The following KALRN variants were observed in gnomAD, a reference collection of about 807,000 sequenced individuals.
KALRN encodes kalirin.
Under a neutral mutation model 353.7 loss-of-function variants are expected in KALRN, and 70 were observed. That is an observed-to-expected ratio of 0.20 (90% CI 0.16 to 0.24). KALRN has a LOEUF of 0.24. KALRN is among the 10% of genes least tolerant of loss of function. The pLI is 1.00. For synonymous variants in KALRN, 1,391 were observed against 1,434.8 expected (o/e 0.97, Z 0.69); for missense variants, 2,791 against 3,756.7 (o/e 0.74, Z 6.72).
chr3:124,648,699 G>A lies in KALRN; in HGVS notation c.5665-2109G>A, dbSNP rs562294933. On this transcript the variant is annotated intron_variant, in intron 37 of 59. Transcript: ENST00000682506. The stretch of plus-strand genomic sequence containing the variant: ...GGCTGCAGAACAAAGGCTGAAACAG[G>A]ACAATGGGGAGAAGGAGAGAAGAGG... 1.1e-4 allele frequency among the ~76,000 whole-genome samples: 16 copies of A among 152,312 alleles called. No individual in the cohort carries two copies. The South Asian group carries it at 2.3e-3, about 22-fold the overall frequency.
At chr3:124,157,306 G>C (rs2069145012) in intron 1 of KALRN, among the ~76,000 whole-genome samples, 1 of 152,160 alleles carries the variant, frequency 6.6e-6, no homozygotes, top group Admixed American at 6.5e-5. Flanking sequence ...CCTCAGTCTG[G>C]GGCTCTTTGT....
At chr3:124,264,377 G>C in intron 3 of KALRN, 121 bp from the exon 4 acceptor site, 1 of 776,136 alleles carries the variant, frequency 1.3e-6, no homozygotes, top group Admixed American at 2.7e-5. Flanking sequence ...AAGAGACCTG[G>C]CATGAAGTTG....
chr3:124,237,320 C>T (rs1334481108), intron 3 of KALRN, among the ~76,000 whole-genome samples: 1 of 150,960 alleles, frequency 6.6e-6, no homozygotes, highest in Non-Finnish European at 1.5e-5. Context: ...TGGATTGTTA[C>T]AGGCTGGTGT....
At chr3:124,162,302 A>G (rs1003028726) in intron 1 of KALRN, 1 of 152,098 alleles carries the variant, frequency 6.6e-6, no homozygotes, top group African/African-American at 2.4e-5. Context: ...TAAAAGAAAG[A>G]GCTCACTGCC....
chr3:124,483,018 G>A, intron 28 of KALRN, 118 bp downstream of exon 28: 2 of 735,016 alleles, frequency 2.7e-6, no homozygotes, highest in Non-Finnish European at 4.9e-6. Context: ...TCTACCTAGG[G>A]CAGAACTTCA....
At chr3:124,089,640 C>CA (rs539644476) in intron 1 of KALRN, among the ~76,000 whole-genome samples, 1 of 144,792 alleles carries the variant, frequency 6.9e-6, no homozygotes, top group African/African-American at 2.5e-5. Flanking sequence ...ATATTTCCAG[C>CA]TTTTTTTTTT....
intron 5 of KALRN, among the ~76,000 whole-genome samples, chr3:124,282,379 C>CTTTTT (rs34148546): frequency 3.7e-5 from 5 of 134,802 alleles, no homozygotes; most frequent in Non-Finnish European, 4.7e-5. Context: ...CTACATTTTT[C>CTTTTT]TTTTTTTTTT....
At chr3:124,455,096 C>G (rs1294023524) in intron 21 of KALRN, 81 bp from the exon 22 acceptor site, 2 of 1,515,810 alleles carry the variant, frequency 1.3e-6, no homozygotes, top group Admixed American at 1.8e-5. Context: ...TATGGCTGCT[C>G]TAAACAGGAA....
intron 1 of KALRN, among the ~76,000 whole-genome samples, chr3:124,192,685 G>A (rs1400550765): frequency 6.6e-6 from 1 of 152,108 alleles, no homozygotes; most frequent in Non-Finnish European, 1.5e-5. Flanking sequence ...AAATAAAAAA[G>A]GGGATATTGT....
At chr3:124,560,878 G>A (rs919916028) in intron 33 of KALRN, among the ~76,000 whole-genome samples, 1 of 152,116 alleles carries the variant, frequency 6.6e-6, no homozygotes, top group African/African-American at 2.4e-5. Context: ...CCCTGTCTGG[G>A]GGCAGTGGAA....
intron 1 of KALRN, among the ~76,000 whole-genome samples, chr3:124,059,194 A>C (rs1249492139): frequency 6.6e-6 from 1 of 152,216 alleles, no homozygotes; most frequent in Non-Finnish European, 1.5e-5. Flanking sequence ...AAGTAGTTAG[A>C]TCCAAACAAC....
At chr3:124,576,895 A>C (rs952342111) in intron 34 of KALRN, among the ~76,000 whole-genome samples, 2 of 152,208 alleles carry the variant, frequency 1.3e-5, no homozygotes, top group African/African-American at 4.8e-5. Flanking sequence ...TACTTTGGGA[A>C]CACTTTGACC....
intron 1 of KALRN, among the ~76,000 whole-genome samples, chr3:124,108,528 G>A (rs1433874363): frequency 6.6e-6 from 1 of 152,106 alleles, no homozygotes; most frequent in African/African-American, 2.4e-5. Context: ...CTACATCCTT[G>A]GTCATGTGAC....
chr3:124,684,170 G>A (rs1326943281), intron 51 of KALRN, among the ~76,000 whole-genome samples: 1 of 152,024 alleles, frequency 6.6e-6, no homozygotes, highest in African/African-American at 2.4e-5. Context: ...AGAGCCACAG[G>A]AACTTGTCCT....
rs72972645 is a variant in KALRN at position 124,136,058 on chromosome 3, A to G, written c.74-91932A>G. ...CTGTTACAGTCTTTGCACTCAGTAT[A>G]TTGCATTGTGATGACTTCCCCACAC... On this transcript the variant is annotated intron_variant, in intron 1 of 59. Transcript: ENST00000682506. 7.4e-3 allele frequency among the ~76,000 whole-genome samples: 1,124 copies of G among 152,142 alleles called. 9 individuals are homozygous for G. The highest frequency in any genetic ancestry group is 0.024 in the African/African-American group (995 of 41,506).
intron 3 of KALRN, among the ~76,000 whole-genome samples, chr3:124,241,425 A>G (rs2080422633): frequency 6.6e-6 from 1 of 152,214 alleles, no homozygotes; most frequent in African/African-American, 2.4e-5. Context: ...CCAAATTATT[A>G]ATAGATTAAT....
intron 33 of KALRN, among the ~76,000 whole-genome samples, chr3:124,503,971 G>A (rs904219798): frequency 6.6e-6 from 1 of 152,072 alleles, no homozygotes; most frequent in African/African-American, 2.4e-5. Flanking sequence ...ATTGCCAATC[G>A]TCTGCAAAAG....
Position 124,404,274 on chromosome 3 carries a change from G to A in KALRN, c.2346+5403G>A, listed in dbSNP as rs199637987. Among the ~76,000 whole-genome samples, 11 of 152,116 alleles carry A rather than the reference G, an allele frequency of 7.2e-5. No individual in the cohort carries two copies. In the East Asian group the frequency reaches 2.1e-3, roughly 29 times the overall value. ...TCTGAAAAATGGTGAGCTTGTATGA[G>A]TTATTTCTGCAGTCCCGGTGACTCT... On this transcript the variant is annotated intron_variant, in intron 13 of 59. Transcript: ENST00000682506.
intron 1 of KALRN, among the ~76,000 whole-genome samples, chr3:124,038,462 G>T (rs572803528): frequency 6.6e-6 from 1 of 152,244 alleles, no homozygotes; most frequent in East Asian, 1.9e-4. Context: ...GGCAGGGAGA[G>T]AATGTGTGGA....
Sources: allele counts gnomAD v4.1 joint callset (sites outside exome capture counted in the v4.1 genomes callset), GRCh38; gene constraint gnomAD v4.1.1; transcripts MANE v1.5; gene names NCBI Gene and HGNC (gene_info 2026-07-23, HGNC 2026-07-21).